The following CDKL5 variants were observed in gnomAD, a reference collection of about 807,000 sequenced individuals.
CDKL5 encodes cyclin-dependent kinase-like 5.
In CDKL5, 8 loss-of-function variants were observed where a neutral mutation model predicts 61.7. The observed-to-expected ratio is 0.13, with a 90% CI of 0.08 to 0.23. The LOEUF is 0.23. CDKL5 is among the 10% of genes least tolerant of loss of function. The probability of loss-of-function intolerance (pLI) is 1.00; values close to 1 mark genes in which losing one functional copy is unlikely to be tolerated. For synonymous variants in CDKL5, 275 were observed against 272.3 expected (o/e 1.01, Z -0.10); for missense variants, 440 against 734.5 (o/e 0.60, Z 4.63).
intron 3 of CDKL5, among the ~76,000 whole-genome samples, chrX:18,518,722 C>A (rs757997693): frequency 9.1e-6 from 1 of 109,639 alleles, no homozygotes; most frequent in Non-Finnish European, 1.9e-5. Context: ...TTTCTGTTGT[C>A]AGGAAGTTTA....
At chrX:18,492,143 T>A (rs889118004) in intron 1 of CDKL5, among the ~76,000 whole-genome samples, 1 of 111,741 alleles carries the variant, frequency 8.9e-6, no homozygotes, top group African/African-American at 3.3e-5. Context: ...CATGCTCTCA[T>A]CAGCATGGTA....
chrX:18,651,262 TGTGAGA>T (rs1441835154), intron 21 of CDKL5, among the ~76,000 whole-genome samples: 27 of 77,735 alleles, frequency 3.5e-4, no homozygotes, highest in African/African-American at 1.1e-3. Flanking sequence ...TGTGTGTGTG[TGTGAGA>T]GAGAGAGAGA....
rs1274749829 is a variant in CDKL5, at chrX:18,636,033, C to G, written c.*7276C>G. ...CTCAGTTTCATCATTTAGGGTAACA[C>G]CAACCGAGTACATGTTCAATCAGGA... On this transcript the variant is annotated 3_prime_UTR_variant, in exon 18 of 18. Coordinates refer to ENST00000623535, the MANE Select transcript of CDKL5 (RefSeq NM_001323289.2). 3 of 111,824 alleles carry G rather than the reference C, an allele frequency of 2.7e-5. No homozygotes were observed. The allele number at this position is 111,824 out of a possible 1,213,427, so 9.2% of individuals were successfully genotyped here. A position where few individuals can be genotyped will look rare whatever the true frequency, so the allele number is the denominator to read the frequency against.
chrX:18,429,779 G>A (rs1284868942), intron 1 of CDKL5, among the ~76,000 whole-genome samples: 2 of 111,340 alleles, frequency 1.8e-5, no homozygotes, highest in Admixed American at 1.9e-4. Context: ...GAGACTACAG[G>A]CACGTGCTCC....
In CDKL5 at chrX:18,553,465, C is replaced by T. The variant is rs370188666; in HGVS notation, c.100-11012C>T. On this transcript the variant is annotated intron_variant, in intron 3 of 17. Coordinates refer to ENST00000623535, the MANE Select transcript of CDKL5 (RefSeq NM_001323289.2). ...GCTTGAAGGCAGTTGTGTGTGTGTG[C>T]GTGTGTGTGTGTGTGTGTGTGTGTG... Among the ~76,000 whole-genome samples the T allele has an allele frequency of 3.4e-3, 305 of 90,767 alleles. 1 individual carries two copies. The highest frequency in any genetic ancestry group is 0.01 in the African/African-American group (252 of 24,969). 78.8% of individuals were successfully genotyped at this position (90,767 alleles called of 115,157 possible).
Position 18,481,527 on chromosome X carries a change from A to ATTT in CDKL5, c.-162-25394_-162-25392dup, listed in dbSNP as rs764120656. On this transcript the variant is annotated intron_variant, in intron 1 of 17. Coordinates refer to ENST00000623535, the MANE Select transcript of CDKL5 (RefSeq NM_001323289.2). ...GCCACCACACCTGGCTAATTTTTGTATTTTTTTTTTTTTTTTGTAGAGAAG... is the reference window on the plus strand; with the variant it reads ...GCCACCACACCTGGCTAATTTTTGTATTTTTTTTTTTTTTTTTTTGTAGAGAAG... Among the ~76,000 whole-genome samples, 132 of 81,475 alleles carry ATTT rather than the reference A, an allele frequency of 1.6e-3. 2 individuals are homozygous for ATTT. The highest frequency in any genetic ancestry group is 5.7e-3 in the African/African-American group (126 of 22,098). The allele number at this position is 81,475 out of a possible 115,157, so 70.8% of individuals were successfully genotyped here.
At chrX:18,509,858 G>A (rs1189607690) in intron 2 of CDKL5, among the ~76,000 whole-genome samples, 1 of 110,073 alleles carries the variant, frequency 9.1e-6, no homozygotes, top group Non-Finnish European at 1.9e-5. Context: ...TTGCCAGTCA[G>A]GAGAGACATT....
At chrX:18,473,332 A>G (rs184724991) in intron 1 of CDKL5, among the ~76,000 whole-genome samples, 3 of 111,101 alleles carry the variant, frequency 2.7e-5, no homozygotes, top group African/African-American at 6.5e-5. Flanking sequence ...AACCTCTTAG[A>G]TGTAGTCATA....
Position 18,632,076 on chromosome X carries a change from C to T in CDKL5, c.*3319C>T. ...ACAAACAGTGGTCCAGCCCCAAGCA[C>T]TACTAGTGCTGAGGTTGAGAAACCC... On this transcript the variant is annotated 3_prime_UTR_variant, in exon 18 of 18. Transcript: ENST00000623535. 1.4e-6 allele frequency: 1 copy of T among 727,225 alleles called. No individual in the cohort carries two copies. The highest frequency in any genetic ancestry group is 1.6e-6 in the Non-Finnish European group (1 of 614,608). 59.9% of individuals were successfully genotyped at this position (727,225 alleles called of 1,213,427 possible).
intron 20 of CDKL5, chrX:18,646,182 T>A: frequency 2.6e-6 from 3 of 1,162,980 alleles, no homozygotes; most frequent in Non-Finnish European, 3.5e-6. Context: ...GACAGAGTCT[T>A]GCTCTGTCGC....
intron 14 of CDKL5, 34 bp downstream of exon 14, chrX:18,609,604 TCTC>T (rs1263721557): frequency 8.3e-7 from 1 of 1,203,978 alleles, no homozygotes; most frequent in East Asian, 3.0e-5. Flanking sequence ...CAGGTTCCCC[TCTC>T]CTCCCTCTCT....
chrX:18,516,374 C>T (rs1289234104), intron 3 of CDKL5, among the ~76,000 whole-genome samples: 8 of 108,281 alleles, frequency 7.4e-5, no homozygotes. Context: ...TCATAGAGAA[C>T]CATTGTGTGT....
intron 3 of CDKL5, among the ~76,000 whole-genome samples, chrX:18,515,079 C>T (rs952289254): frequency 2.7e-5 from 3 of 112,429 alleles, no homozygotes. Context: ...GATTTACAGG[C>T]GTGAGCCACC....
intron 21 of CDKL5, chrX:18,650,629 G>T: frequency 8.4e-7 from 1 of 1,193,090 alleles, no homozygotes; most frequent in South Asian, 1.8e-5. Flanking sequence ...GCTCAGCCTG[G>T]GCTGTACCTC....
At chrX:18,432,099 C>CTTTCT (rs1931507293) in intron 1 of CDKL5, among the ~76,000 whole-genome samples, 1 of 90,266 alleles carries the variant, frequency 1.1e-5, no homozygotes, top group Non-Finnish European at 2.2e-5. Flanking sequence ...TTCTTTCTTT[C>CTTTCT]TTTTTTTTTT....
intron 20 of CDKL5, chrX:18,650,254 G>C: frequency 1.9e-6 from 1 of 528,715 alleles, no homozygotes; most frequent in East Asian, 3.6e-5. Context: ...CTCACTCTGC[G>C]ATCTAAAGAC....
At chrX:18,522,885 T>C (rs1420922693) in intron 3 of CDKL5, among the ~76,000 whole-genome samples, 1 of 96,975 alleles carries the variant, frequency 1.0e-5, no homozygotes, top group Non-Finnish European at 2.1e-5. Context: ...AACCTCTGCC[T>C]CCCAGGTTCA....
At chrX:18,433,553 T>TA (rs942522165) in intron 1 of CDKL5, among the ~76,000 whole-genome samples, 44 of 108,634 alleles carry the variant, frequency 4.1e-4, no homozygotes, top group South Asian at 3.0e-3. Context: ...TCCGTTTAAA[T>TA]AAAAAAAAAA....
intron 7 of CDKL5, among the ~76,000 whole-genome samples, chrX:18,582,839 G>A (rs1925526627): frequency 9.0e-6 from 1 of 111,479 alleles, no homozygotes; most frequent in Non-Finnish European, 1.9e-5. Context: ...ATGGAAGCAT[G>A]TGTAGCTCTT....
Sources: gnomAD v4.1 joint callset for allele counts (sites outside exome capture counted in the v4.1 genomes callset) on GRCh38, gnomAD v4.1.1 for gene constraint, MANE v1.5 for transcripts, NCBI Gene and HGNC (gene_info 2026-07-23, HGNC 2026-07-21) for gene names.